Variants in SHANK2 observed in about 807,000 individuals in gnomAD.
SHANK2 encodes the protein SH3 and multiple ankyrin repeat domains 2.
A neutral mutation model predicts 133.7 loss-of-function variants in SHANK2; 43 were observed. The ratio of observed to expected loss-of-function variants is 0.32; its 90% CI spans 0.25 to 0.41. The LOEUF (loss-of-function observed/expected upper bound fraction) is 0.41, where lower values mean the gene tolerates loss of function less well. SHANK2 is among the 10% of genes least tolerant of loss of function. SHANK2 has a pLI of 1.00. For missense variants in SHANK2, 1,994 were observed against 2,235.8 expected (o/e 0.89, Z 2.18); for synonymous variants, 1,017 against 952.8 (o/e 1.07, Z -1.24).
At chr11:71,141,030 C>T (rs71473813) in intron 3 of SHANK2, among the ~76,000 whole-genome samples, 2 of 152,250 alleles carry the variant, frequency 1.3e-5, no homozygotes, top group Non-Finnish European at 2.9e-5. Flanking sequence ...GTCTGACCCT[C>T]CTGTTCCCAT....
At chr11:70,894,042 T>C (rs1250881961) in intron 11 of SHANK2, among the ~76,000 whole-genome samples, 1 of 152,236 alleles carries the variant, frequency 6.6e-6, no homozygotes, top group Non-Finnish European at 1.5e-5. Flanking sequence ...AAAACCTCTC[T>C]GTTCGTAAAG....
Position 70,485,854 on chromosome 11 carries a change from G to A in SHANK2, c.4439C>T (p.Pro1480Leu). 1 of 1,614,060 alleles carries A rather than the reference G, an allele frequency of 6.2e-7. No homozygotes were observed. The highest frequency in any genetic ancestry group is 1.3e-5 in the African/African-American group (1 of 75,046). The change falls in exon 25 of 26, where the codon CCT (proline) becomes CTT (leucine). Residue 1480 changes from proline to leucine, a missense_variant. Coordinates refer to ENST00000601538, the MANE Select transcript of SHANK2 (RefSeq NM_012309.5). The surrounding 1 kb of genome is among the most constrained non-coding windows in gnomAD (Gnocchi z 5.8). ...GTCGGCGACGGCGTCAAAGCTTTCA[G>A]GGGGTGGCAGGAATGAGGCAGGCAG... ...NCLPASFLPPPESFDAVADSG... is the reference protein window; with the variant it reads ...NCLPASFLPPLESFDAVADSG...
At chr11:71,149,727 G>A (rs1343756869) in intron 2 of SHANK2, among the ~76,000 whole-genome samples, 1 of 143,842 alleles carries the variant, frequency 7.0e-6, no homozygotes, top group Non-Finnish European at 1.5e-5. Context: ...GTGTGGATAC[G>A]CAAGAGGGAG....
intron 1 of SHANK2, among the ~76,000 whole-genome samples, chr11:71,245,984 CG>C (rs1189092959): frequency 1.3e-5 from 2 of 151,992 alleles, no homozygotes; most frequent in African/African-American, 4.8e-5. Context: ...GACATTTGTG[CG>C]GGGTGGCAGG....
intron 14 of SHANK2, among the ~76,000 whole-genome samples, chr11:70,725,757 CCT>C (rs1555030499): frequency 1.5e-4 from 23 of 152,192 alleles, no homozygotes; most frequent in Non-Finnish European, 5.9e-5. Flanking sequence ...TATTTTATTC[CCT>C]GTCTTCATGG....
At chr11:71,126,789 C>T (rs770122249) in intron 3 of SHANK2, among the ~76,000 whole-genome samples, 1 of 139,036 alleles carries the variant, frequency 7.2e-6, no homozygotes, top group Middle Eastern at 4.1e-3. Flanking sequence ...TGCAGTGGGG[C>T]GATCTTGGTT....
chr11:71,125,649 C>T (rs1590936313), intron 3 of SHANK2, among the ~76,000 whole-genome samples: 1 of 152,338 alleles, frequency 6.6e-6, no homozygotes, highest in South Asian at 2.1e-4. Context: ...GCAGCAAGTG[C>T]TGATGGAGAA....
chr11:70,885,702 T>A (rs1949730427), intron 11 of SHANK2, among the ~76,000 whole-genome samples: 1 of 151,828 alleles, frequency 6.6e-6, no homozygotes, highest in Admixed American at 6.6e-5. Flanking sequence ...CAGGACAAAA[T>A]CCACAATTGC....
chr11:71,081,379 A>G (rs1951298400), intron 8 of SHANK2, among the ~76,000 whole-genome samples: 1 of 152,238 alleles, frequency 6.6e-6, no homozygotes, highest in Admixed American at 6.5e-5. Flanking sequence ...ATCACAGACA[A>G]AAGACATCAT....
At chr11:71,105,590 TAAA>T (rs60654256) in intron 6 of SHANK2, among the ~76,000 whole-genome samples, 23 of 77,950 alleles carry the variant, frequency 3.0e-4, no homozygotes, top group African/African-American at 6.2e-4. Context: ...AGACTCAGTC[TAAA>T]AAAAAAAAAA....
intron 9 of SHANK2, among the ~76,000 whole-genome samples, chr11:71,065,118 T>C (rs1951032211): frequency 6.6e-6 from 1 of 151,988 alleles, no homozygotes; most frequent in Non-Finnish European, 1.5e-5. Context: ...TGGGTGTGAC[T>C]GGGTTTGAGC....
At chr11:71,121,131 T>C (rs1196337566) in intron 3 of SHANK2, among the ~76,000 whole-genome samples, 41 of 152,240 alleles carry the variant, frequency 2.7e-4, no homozygotes, top group Admixed American at 2.7e-3. Context: ...TCGGAAAGCC[T>C]GGGTTTGCAA....
At chr11:70,806,317 C>T (rs1020774437) in intron 13 of SHANK2, among the ~76,000 whole-genome samples, 10 of 152,216 alleles carry the variant, frequency 6.6e-5, no homozygotes, top group Non-Finnish European at 1.2e-4. Context: ...ACACAACCTC[C>T]GCAGCCCACA....
chr11:70,677,201 G>C (rs565572724), intron 15 of SHANK2, among the ~76,000 whole-genome samples: 3 of 152,216 alleles, frequency 2.0e-5, no homozygotes, highest in Non-Finnish European at 4.4e-5. Flanking sequence ...GTGGATGTCT[G>C]AGGCCAGACG....
Position 70,485,944 on chromosome 11 carries a change from G to A in SHANK2, c.4349C>T (p.Ser1450Leu). 6.2e-7 allele frequency: 1 copy of A among 1,614,156 alleles called. No homozygotes were observed. Among genetic ancestry groups the A allele is most frequent in the Non-Finnish European group, 8.5e-7 (1 of 1,180,030 alleles). The change falls in exon 25 of 26, where the codon TCG becomes TTG. Residue 1450 changes from serine (S) to leucine (L), a missense_variant. Around this residue, in one of 5 missense-constraint regions of SHANK2, gnomAD observed 797 missense variants for 907.4 expected, o/e 0.88. Transcript: ENST00000601538. This position sits in a 1 kb window ranked among gnomAD's most constrained non-coding sequence, Gnocchi z 5.8. Reference sequence around the variant, plus strand: ...GTTGGTTGGTTGGCTGGAGTTCAACGAAGGGGACTGAGGGGTGTCGCTTTT... The same window carrying A: ...GTTGGTTGGTTGGCTGGAGTTCAACAAAGGGGACTGAGGGGTGTCGCTTTT... ...QKKSDTPQSP[S>L]LNSSQPTNSA...
At chr11:70,873,373 C>A (rs782558065) in intron 11 of SHANK2, among the ~76,000 whole-genome samples, 11 of 152,230 alleles carry the variant, frequency 7.2e-5, no homozygotes, top group African/African-American at 2.4e-4. Flanking sequence ...GAGGGCCCAA[C>A]GGCCCCAGAC....
intron 9 of SHANK2, among the ~76,000 whole-genome samples, chr11:71,068,892 CACCACCACCATCATCACCATCA>C (rs1330060083): frequency 1.3e-5 from 2 of 151,446 alleles, no homozygotes; most frequent in Non-Finnish European, 2.9e-5. Flanking sequence ...CCATCACCAT[CACCACCACCATCATCACCATCA>C]ACCACCACCA....
chr11:70,655,546 T>A (rs1432499280), intron 17 of SHANK2, among the ~76,000 whole-genome samples: 1 of 152,230 alleles, frequency 6.6e-6, no homozygotes, highest in South Asian at 2.1e-4. Flanking sequence ...TCAGCTGCTA[T>A]AAACAAGGAC....
chr11:70,522,723 G>A (rs1215898688), intron 17 of SHANK2, among the ~76,000 whole-genome samples: 2 of 152,192 alleles, frequency 1.3e-5, no homozygotes, highest in East Asian at 1.9e-4. Flanking sequence ...CATTCGGACC[G>A]TGTCCCAGTC....
Sources: allele counts gnomAD v4.1 joint callset (sites outside exome capture counted in the v4.1 genomes callset), GRCh38; gene constraint gnomAD v4.1.1; regional missense constraint gnomAD v4.1.1; non-coding constraint Gnocchi (gnomAD v3.1); transcripts MANE v1.5; gene names NCBI Gene and HGNC (gene_info 2026-07-23, HGNC 2026-07-21).